Variants in HS3ST4 observed in about 807,000 individuals in gnomAD.
HS3ST4 encodes heparan sulfate glucosamine 3-O-sulfotransferase 4.
A neutral mutation model predicts 29.2 loss-of-function variants in HS3ST4; 17 were observed. The ratio of observed to expected loss-of-function variants is 0.58; its 90% CI spans 0.40 to 0.87. The LOEUF (loss-of-function observed/expected upper bound fraction) is 0.87. Among genes scored for constraint, HS3ST4 ranks in the 40% least tolerant of loss-of-function variants. HS3ST4 has a pLI of 0.00. For missense variants in HS3ST4, 627 were observed against 634.5 expected, an observed-to-expected ratio of 0.99 and a Z score of 0.13; for synonymous variants, 314 against 285.7, an observed-to-expected ratio of 1.10 and a Z score of -1.00.
chr16:25,778,686 C>G (rs1966849903), intron 1 of HS3ST4, among the ~76,000 whole-genome samples: 1 of 150,084 alleles, frequency 6.7e-6, no homozygotes, highest in South Asian at 2.1e-4. Flanking sequence ...AAGGAGAGTT[C>G]TTGAAGAAGA....
In HS3ST4 at chr16:26,096,926, C is replaced by A. The variant is rs567626350; in HGVS notation, c.735-38686C>A. ...CAATGTGCAAAAATCACAAGCATTT[C>A]TATGCATGAATTACAGACAAACAGA... On this transcript the variant is annotated intron_variant, in intron 1 of 1. Transcript: ENST00000331351. Among the ~76,000 whole-genome samples the A allele has an allele frequency of 3.9e-5, 6 of 152,282 alleles. No individual in the cohort carries two copies. In the South Asian group the frequency reaches 1.2e-3, roughly 32 times the overall value.
rs117892333 is a variant in HS3ST4, at chr16:25,866,140, T to C, written c.734+172989T>C. On this transcript the variant is annotated intron_variant, in intron 1 of 1. Coordinates refer to ENST00000331351, the MANE Select transcript of HS3ST4 (RefSeq NM_006040.3). ...CAATTCCTTAACTACCTCTTATAGG[T>C]TCTGTCTACAAATACAGTCACACTC... Among the ~76,000 whole-genome samples the C allele has an allele frequency of 1.7e-3, 264 of 152,314 alleles. 1 individual carries two copies. Among genetic ancestry groups the C allele is most frequent in the Admixed American group, 3.0e-3 (46 of 15,286 alleles).
At chr16:25,820,834 G>A (rs927614300) in intron 1 of HS3ST4, among the ~76,000 whole-genome samples, 2 of 151,868 alleles carry the variant, frequency 1.3e-5, no homozygotes, top group African/African-American at 4.8e-5. Context: ...GCCTCCCAAA[G>A]CGTTGAGATT....
At chr16:25,965,399 CA>C (rs5816338) in intron 1 of HS3ST4, among the ~76,000 whole-genome samples, 87,643 of 129,242 alleles carry the variant, frequency 0.68, 27,572 homozygotes, top group Middle Eastern at 0.74. Flanking sequence ...AATTTCTTGT[CA>C]AAAAAAAAAA....
chr16:25,960,953 A>T (rs1294416504), intron 1 of HS3ST4, among the ~76,000 whole-genome samples: 1 of 152,214 alleles, frequency 6.6e-6, no homozygotes, highest in Non-Finnish European at 1.5e-5. Context: ...TGAGAACCTC[A>T]GAGAATTAAG....
At chr16:25,887,958 A>G (rs1967971866) in intron 1 of HS3ST4, among the ~76,000 whole-genome samples, 1 of 151,926 alleles carries the variant, frequency 6.6e-6, no homozygotes, top group African/African-American at 2.4e-5. Context: ...CGGCCTCCCA[A>G]ATTGTTGGGA....
At chr16:25,933,507 T>G in intron 1 of HS3ST4, 1 of 441,198 alleles carries the variant, frequency 2.3e-6, no homozygotes, top group Non-Finnish European at 4.5e-6. Flanking sequence ...ACAGCGAGAG[T>G]AGGCCTCTCT....
intron 1 of HS3ST4, among the ~76,000 whole-genome samples, chr16:25,725,660 A>G (rs1212411451): frequency 1.3e-5 from 2 of 151,546 alleles, no homozygotes; most frequent in Non-Finnish European, 1.5e-5. Context: ...TGTAAATTCT[A>G]TATTGTGTAT....
At chr16:25,888,872 C>T (rs1967980445) in intron 1 of HS3ST4, among the ~76,000 whole-genome samples, 1 of 152,148 alleles carries the variant, frequency 6.6e-6, no homozygotes, top group African/African-American at 2.4e-5. Context: ...TTTCAAGGGC[C>T]TATTATGAAA....
chr16:26,013,882 C>CGCA (rs1253885178), intron 1 of HS3ST4, among the ~76,000 whole-genome samples: 1 of 152,012 alleles, frequency 6.6e-6, no homozygotes, highest in East Asian at 1.9e-4. Context: ...TGGTGGCATG[C>CGCA]CCGTAGTCCC....
chr16:25,981,967 A>G (rs915514308), intron 1 of HS3ST4, among the ~76,000 whole-genome samples: 1 of 152,170 alleles, frequency 6.6e-6, no homozygotes, highest in Non-Finnish European at 1.5e-5. Context: ...GTCACTTTCC[A>G]TGGGGAATCT....
At chr16:25,936,338 T>C (rs944205347) in intron 1 of HS3ST4, among the ~76,000 whole-genome samples, 8 of 152,166 alleles carry the variant, frequency 5.3e-5, no homozygotes, top group Non-Finnish European at 1.2e-4. Context: ...CTGGGTGTGG[T>C]AATTACTGAG....
chr16:26,111,178 T>G (rs896773341), intron 1 of HS3ST4, among the ~76,000 whole-genome samples: 3 of 152,008 alleles, frequency 2.0e-5, no homozygotes, highest in Admixed American at 1.3e-4. Flanking sequence ...TCCTCCCACT[T>G]GATCTTCCTC....
At chr16:25,764,564 T>A (rs908459946) in intron 1 of HS3ST4, among the ~76,000 whole-genome samples, 2 of 152,226 alleles carry the variant, frequency 1.3e-5, no homozygotes, top group Admixed American at 6.5e-5. Context: ...TGCCAGCCAC[T>A]GTTTGAAAAT....
intron 1 of HS3ST4, among the ~76,000 whole-genome samples, chr16:25,834,421 A>T (rs1967336712): frequency 6.6e-6 from 1 of 152,204 alleles, no homozygotes; most frequent in Non-Finnish European, 1.5e-5. Context: ...AGAATGTTGG[A>T]TGGGAAGTAA....
intron 1 of HS3ST4, among the ~76,000 whole-genome samples, chr16:25,741,640 T>A (rs1966654161): frequency 6.6e-6 from 1 of 152,222 alleles, no homozygotes; most frequent in Non-Finnish European, 1.5e-5. Flanking sequence ...TTGTTTCTGT[T>A]GTTAACATAC....
chr16:26,100,380 C>T (rs1898976380), intron 1 of HS3ST4, among the ~76,000 whole-genome samples: 3 of 152,128 alleles, frequency 2.0e-5, no homozygotes, highest in Admixed American at 2.0e-4. Context: ...TGGGTGCTTC[C>T]TTCAGGGTCA....
intron 1 of HS3ST4, among the ~76,000 whole-genome samples, chr16:25,697,953 G>A (rs760231588): frequency 1.2e-4 from 18 of 151,494 alleles, no homozygotes; most frequent in East Asian, 7.8e-4. Flanking sequence ...TTAGAGGCAT[G>A]AGCCACCGTG....
intron 1 of HS3ST4, among the ~76,000 whole-genome samples, chr16:25,775,457 C>G (rs1162170670): frequency 6.6e-6 from 1 of 152,214 alleles, no homozygotes. Flanking sequence ...CACCTAACCA[C>G]TTGTTGGCCC....
Sources: gnomAD v4.1 joint callset for allele counts (sites outside exome capture counted in the v4.1 genomes callset) on GRCh38, gnomAD v4.1.1 for gene constraint, MANE v1.5 for transcripts, NCBI Gene and HGNC (gene_info 2026-07-23, HGNC 2026-07-21) for gene names.